RBFOX1: variants seen among roughly 807,000 people sequenced by gnomAD.
RBFOX1 encodes the protein RNA binding fox-1 homolog 1.
A neutral mutation model predicts 57.7 loss-of-function variants in RBFOX1; 8 were observed. That is an observed-to-expected ratio of 0.14 (90% CI 0.08 to 0.25). The LOEUF (loss-of-function observed/expected upper bound fraction) is 0.25, where lower values mean the gene tolerates loss of function less well. Among genes scored for constraint, RBFOX1 ranks in the 10% least tolerant of loss-of-function variants. The probability of loss-of-function intolerance (pLI) is 1.00; values close to 1 mark genes in which losing one functional copy is unlikely to be tolerated. For synonymous variants in RBFOX1, 326 were observed against 222.4 expected, an observed-to-expected ratio of 1.47 and a Z score of -4.15; for missense variants, 611 against 548.5, an observed-to-expected ratio of 1.11 and a Z score of -1.14.
chr16:6,168,995 T>G (rs28433633), intron 1 of RBFOX1, among the ~76,000 whole-genome samples: 3,446 of 152,098 alleles, frequency 0.023, 110 homozygotes, highest in African/African-American at 0.078. Flanking sequence ...GAATTTAGAG[T>G]TGGGCAAAAG....
chr16:6,610,734 C>A (rs1048959717), intron 2 of RBFOX1, among the ~76,000 whole-genome samples: 1 of 152,158 alleles, frequency 6.6e-6, no homozygotes, highest in African/African-American at 2.4e-5. Flanking sequence ...CAGCAGCTTC[C>A]GCCAAACAAT....
At chr16:6,737,153 G>T (rs1237992237) in intron 3 of RBFOX1, among the ~76,000 whole-genome samples, 4 of 152,182 alleles carry the variant, frequency 2.6e-5, no homozygotes, top group Non-Finnish European at 4.4e-5. Context: ...CAGAGGCAAA[G>T]CTGTAAAGAA....
intron 4 of RBFOX1, among the ~76,000 whole-genome samples, chr16:5,940,640 G>A (rs1935631405): frequency 6.6e-6 from 1 of 152,214 alleles, no homozygotes; most frequent in African/African-American, 2.4e-5. Context: ...AGCAATTAAA[G>A]GGCCTGCCCC....
chr16:5,822,639 A>G (rs914834507), intron 3 of RBFOX1, among the ~76,000 whole-genome samples: 5 of 152,280 alleles, frequency 3.3e-5, no homozygotes, highest in East Asian at 3.9e-4. Flanking sequence ...AAAATACACA[A>G]TGCTGCTACA....
At chr16:7,053,552 C>G (rs770700236) in intron 4 of RBFOX1, among the ~76,000 whole-genome samples, 5 of 152,148 alleles carry the variant, frequency 3.3e-5, no homozygotes, top group African/African-American at 4.8e-5. Flanking sequence ...TGATAAATGC[C>G]TGAGAATTAA....
intron 4 of RBFOX1, among the ~76,000 whole-genome samples, chr16:7,388,446 A>G (rs1404402682): frequency 1.3e-5 from 2 of 152,140 alleles, no homozygotes; most frequent in African/African-American, 2.4e-5. Flanking sequence ...TTTGGGATAC[A>G]ACAAATATGG....
At chr16:6,359,122 T>C (rs2087928466) in intron 2 of RBFOX1, among the ~76,000 whole-genome samples, 1 of 152,026 alleles carries the variant, frequency 6.6e-6, no homozygotes, top group South Asian at 2.1e-4. Flanking sequence ...AGACGGAGTC[T>C]AGCTCTGTCA....
intron 2 of RBFOX1, among the ~76,000 whole-genome samples, chr16:6,450,402 G>A (rs767841302): frequency 4.7e-4 from 72 of 151,854 alleles, no homozygotes; most frequent in Non-Finnish European, 1.9e-4. Flanking sequence ...AGGAATAACT[G>A]TGCTAATTTT....
intron 4 of RBFOX1, among the ~76,000 whole-genome samples, chr16:7,196,668 A>G (rs532589122): frequency 8.2e-4 from 125 of 152,148 alleles, no homozygotes; most frequent in Non-Finnish European, 1.5e-3. Context: ...GCATGTGTGT[A>G]TAACTATAAG....
chr16:5,925,403 C>T (rs186459728), intron 4 of RBFOX1, among the ~76,000 whole-genome samples: 2 of 152,124 alleles, frequency 1.3e-5, no homozygotes, highest in Admixed American at 1.3e-4. Flanking sequence ...AAAACTAGAC[C>T]TGAAGAACAC....
chr16:5,760,663 A>G (rs901671508), intron 3 of RBFOX1, among the ~76,000 whole-genome samples: 1 of 152,230 alleles, frequency 6.6e-6, no homozygotes, highest in Non-Finnish European at 1.5e-5. Context: ...CACATCTTGT[A>G]CAATTCAATT....
At chr16:5,420,591 C>G (rs1265315379) in intron 1 of RBFOX1, among the ~76,000 whole-genome samples, 1 of 151,666 alleles carries the variant, frequency 6.6e-6, no homozygotes. Context: ...CCACTGCAAT[C>G]TTGACCTCCC....
At chr16:6,088,173 AC>A (rs2096117098) in intron 1 of RBFOX1, among the ~76,000 whole-genome samples, 3 of 151,126 alleles carry the variant, frequency 2.0e-5, no homozygotes, top group African/African-American at 4.9e-5. Context: ...CAGAAAACTT[AC>A]CCTCTTAGTT....
chr16:7,053,450 T>G (rs1042232933), intron 4 of RBFOX1, among the ~76,000 whole-genome samples: 9 of 152,214 alleles, frequency 5.9e-5, no homozygotes, highest in Admixed American at 4.6e-4. Context: ...ATTACAACTT[T>G]AGATTTCTCT....
chr16:7,037,360 G>C (rs374497906), intron 3 of RBFOX1, among the ~76,000 whole-genome samples: 3 of 146,258 alleles, frequency 2.1e-5, no homozygotes, highest in South Asian at 4.4e-4. Flanking sequence ...TCCTGCCTCA[G>C]CCTCCCAAGT....
At chr16:6,075,781 C>G (rs796475811) in intron 1 of RBFOX1, among the ~76,000 whole-genome samples, 1 of 152,186 alleles carries the variant, frequency 6.6e-6, no homozygotes, top group South Asian at 2.1e-4. Flanking sequence ...GTCTCCATGT[C>G]GTGGACAAAA....
At chr16:7,289,460 G>T (rs1346333545) in intron 4 of RBFOX1, among the ~76,000 whole-genome samples, 1 of 150,638 alleles carries the variant, frequency 6.6e-6, no homozygotes, top group Non-Finnish European at 1.5e-5. Context: ...ATCAGCAAGA[G>T]CATCACTGTC....
intron 4 of RBFOX1, among the ~76,000 whole-genome samples, chr16:7,232,900 C>G (rs181500571): frequency 6.6e-6 from 1 of 150,878 alleles, no homozygotes; most frequent in East Asian, 1.9e-4. Context: ...AAAGAACTTA[C>G]CTAGCACATG....
intron 2 of RBFOX1, among the ~76,000 whole-genome samples, chr16:5,554,872 G>A (rs1407089711): frequency 2.0e-5 from 3 of 152,178 alleles, no homozygotes; most frequent in Middle Eastern, 3.4e-3. Context: ...CCAATGTCAC[G>A]GGCAGTGGTA....
Sources: allele counts gnomAD v4.1 joint callset (sites outside exome capture counted in the v4.1 genomes callset), GRCh38; gene constraint gnomAD v4.1.1; transcripts MANE v1.5; gene names NCBI Gene and HGNC (gene_info 2026-07-23, HGNC 2026-07-21).